Variants in ATF6 observed in about 807,000 individuals in gnomAD.
The protein encoded by ATF6 is activating transcription factor 6.
ATF6 carries 53 observed loss-of-function variants against 83.6 expected under a neutral mutation model. The ratio of observed to expected loss-of-function variants is 0.63; its 90% CI spans 0.51 to 0.80. The LOEUF is 0.80. Ranked by LOEUF, ATF6 falls within the 30% of genes least tolerant of loss-of-function variation. The pLI is 0.00. For missense variants in ATF6, 744 were observed against 797.9 expected (o/e 0.93, Z 0.81); for synonymous variants, 288 against 285.8 (o/e 1.01, Z -0.08).
chr1:161,822,048 C>T (rs142026948), intron 9 of ATF6, among the ~76,000 whole-genome samples: 1 of 152,116 alleles, frequency 6.6e-6, no homozygotes, highest in East Asian at 1.9e-4. Flanking sequence ...GTGCTGTCAT[C>T]GGAGGAAGCA....
chr1:161,883,776 G>A (rs954169233), intron 14 of ATF6, among the ~76,000 whole-genome samples: 3 of 151,876 alleles, frequency 2.0e-5, no homozygotes, highest in Admixed American at 6.6e-5. Flanking sequence ...GCATAAGGTC[G>A]CTATGCATTA....
intron 7 of ATF6, among the ~76,000 whole-genome samples, chr1:161,804,039 G>A (rs902903902): frequency 7.9e-6 from 1 of 127,230 alleles, no homozygotes; most frequent in African/African-American, 3.1e-5. Context: ...TCCCCTTCCT[G>A]TGTCCATGTG....
chr1:161,926,377 C>T (rs1047026338), intron 15 of ATF6, among the ~76,000 whole-genome samples: 1 of 152,130 alleles, frequency 6.6e-6, no homozygotes, highest in African/African-American at 2.4e-5. Context: ...CCGGATCTCT[C>T]TTGAGATTGA....
At chr1:161,816,809 C>T (rs143707906) in intron 7 of ATF6, among the ~76,000 whole-genome samples, 1 of 152,034 alleles carries the variant, frequency 6.6e-6, no homozygotes, top group African/African-American at 2.4e-5. Context: ...CTTCCCCCCA[C>T]TTAAAAAAAT....
At chr1:161,942,210 C>G (rs890071317) in intron 15 of ATF6, among the ~76,000 whole-genome samples, 1 of 152,138 alleles carries the variant, frequency 6.6e-6, no homozygotes, top group Non-Finnish European at 1.5e-5. Context: ...AGCCCTCATA[C>G]CATCACAGGA....
chr1:161,812,289 TTGTG>T (rs10607216), intron 7 of ATF6, among the ~76,000 whole-genome samples: 37 of 145,184 alleles, frequency 2.5e-4, no homozygotes, highest in South Asian at 2.2e-4. Context: ...ATTTCATGCT[TTGTG>T]TGTGTGTGTG....
At chr1:161,871,733 T>G (rs74125028) in intron 14 of ATF6, among the ~76,000 whole-genome samples, 1 of 151,572 alleles carries the variant, frequency 6.6e-6, no homozygotes, top group African/African-American at 2.4e-5. Context: ...TATGTGACTT[T>G]AGACAAATCA....
chr1:161,820,252 C>T (rs544507133), intron 8 of ATF6, among the ~76,000 whole-genome samples: 11 of 152,268 alleles, frequency 7.2e-5, no homozygotes, highest in Non-Finnish European at 2.9e-5. Context: ...CAGTTCTATT[C>T]GGGAAATTTG....
At chr1:161,775,949 A>G (rs750015421) in intron 1 of ATF6, among the ~76,000 whole-genome samples, 24 of 152,142 alleles carry the variant, frequency 1.6e-4, no homozygotes, top group Non-Finnish European at 2.6e-4. Flanking sequence ...TAATACAAAC[A>G]TCTGCATATG....
rs1037581529 is a variant in ATF6 at position 161,778,152 on chromosome 1, C to A, written c.83-92C>A. The stretch of plus-strand genomic sequence containing the variant: ...AATAATAGTAATGGCTAATGAGAAA[C>A]CTTAATAGAGGTGACATAGGGACAC... On this transcript the variant is annotated intron_variant, in intron 1 of 15. Transcript: ENST00000367942. 1.7e-4 allele frequency: 163 copies of A among 970,246 alleles called. 1 individual carries two copies. The highest frequency in any genetic ancestry group is 1.3e-3 in the South Asian group (91 of 67,824). The allele number at this position is 970,246 out of a possible 1,614,324, so 60.1% of individuals were successfully genotyped here.
chr1:161,860,266 T>C lies in ATF6; in HGVS notation c.1593T>C (p.Thr531=). ...QLMAVQYTET[T]SSISRNSGSE... ...TGGCTGTTCAATACACAGAAACCAC[T>C]AGTAGTATCAGGTAAGACAGTGCAG... The change falls in exon 13 of 16, where the codon ACT becomes ACC. Residue 531 remains threonine, a synonymous_variant. Coordinates refer to ENST00000367942, the MANE Select transcript of ATF6 (RefSeq NM_007348.4). The C allele has an allele frequency of 1.2e-6, 2 of 1,600,922 alleles. No homozygotes were observed. The highest frequency in any genetic ancestry group is 1.7e-6 in the Non-Finnish European group (2 of 1,172,938).
At chr1:161,859,941 G>A (rs528638884) in intron 12 of ATF6, among the ~76,000 whole-genome samples, 2 of 152,200 alleles carry the variant, frequency 1.3e-5, no homozygotes, top group South Asian at 4.1e-4. Flanking sequence ...CATAAAATTT[G>A]TGGTGCTTGG....
chr1:161,867,388 G>C (rs1687030385), intron 14 of ATF6, among the ~76,000 whole-genome samples: 1 of 152,056 alleles, frequency 6.6e-6, no homozygotes, highest in South Asian at 2.1e-4. Context: ...AGCTAAGACA[G>C]AAACAAATAC....
At chr1:161,779,109 A>T (rs530456140) in intron 2 of ATF6, among the ~76,000 whole-genome samples, 1 of 152,354 alleles carries the variant, frequency 6.6e-6, no homozygotes, top group East Asian at 1.9e-4. Flanking sequence ...AGAATGAAGG[A>T]CATGATATAT....
chr1:161,786,144 C>A (rs1684743694), intron 4 of ATF6, among the ~76,000 whole-genome samples: 1 of 151,704 alleles, frequency 6.6e-6, no homozygotes, highest in Non-Finnish European at 1.5e-5. Flanking sequence ...GCCACCACAC[C>A]CGGCTAATTT....
chr1:161,810,353 C>T (rs192263395), intron 7 of ATF6, among the ~76,000 whole-genome samples: 106 of 152,252 alleles, frequency 7.0e-4, no homozygotes, highest in African/African-American at 2.5e-3. Context: ...AAGTGCTACA[C>T]ACTTTTAAAC....
At chr1:161,936,645 A>G (rs975987967) in intron 15 of ATF6, among the ~76,000 whole-genome samples, 2 of 152,144 alleles carry the variant, frequency 1.3e-5, no homozygotes, top group Non-Finnish European at 2.9e-5. Context: ...CCTAACTATG[A>G]CAGTAAGTCA....
intron 4 of ATF6, 42 bp downstream of exon 4, chr1:161,784,138 C>A (rs1222873725): frequency 1.5e-6 from 2 of 1,378,670 alleles, no homozygotes; most frequent in Non-Finnish European, 2.1e-6. Context: ...TTATAATATG[C>A]TATCTGGAAA....
At chr1:161,788,663 A>G (rs865996586) in intron 4 of ATF6, among the ~76,000 whole-genome samples, 5 of 151,900 alleles carry the variant, frequency 3.3e-5, no homozygotes, top group Non-Finnish European at 5.9e-5. Flanking sequence ...TATTAACCAT[A>G]TGGTTTACCT....
Sources: allele counts gnomAD v4.1 joint callset (sites outside exome capture counted in the v4.1 genomes callset), GRCh38; gene constraint gnomAD v4.1.1; transcripts MANE v1.5; gene names NCBI Gene and HGNC (gene_info 2026-07-23, HGNC 2026-07-21).